Variants in DCLRE1C observed in about 807,000 individuals in gnomAD.
DCLRE1C encodes the protein DNA cross-link repair 1C.
In DCLRE1C, 47 loss-of-function variants were observed where a neutral mutation model predicts 61.4. The observed-to-expected ratio is 0.77, with a 90% CI of 0.61 to 0.98. The LOEUF is 0.98. Among genes scored for constraint, DCLRE1C ranks in the 50% least tolerant of loss-of-function variants. DCLRE1C has a pLI of 0.00. For missense variants in DCLRE1C, 858 were observed against 816.0 expected, an observed-to-expected ratio of 1.05 and a Z score of -0.63; for synonymous variants, 337 against 287.6, an observed-to-expected ratio of 1.17 and a Z score of -1.74.
chr10:14,944,857 T>C (rs1016451617), intron 3 of DCLRE1C, among the ~76,000 whole-genome samples: 3 of 151,798 alleles, frequency 2.0e-5, no homozygotes, highest in African/African-American at 7.3e-5. Context: ...GTATTTTTAG[T>C]AGAGACAGGG....
At chr10:14,925,164 T>G (rs1373604583) in intron 11 of DCLRE1C, among the ~76,000 whole-genome samples, 5 of 151,026 alleles carry the variant, frequency 3.3e-5, no homozygotes, top group Admixed American at 3.3e-4. Context: ...CCAACACCGA[T>G]TTGATTTGCA....
chr10:14,898,096 A>G (rs1306089380), exon 14 of DCLRE1C: 1 of 150,508 alleles, frequency 6.6e-6, no homozygotes, highest in Non-Finnish European at 1.5e-5. Flanking sequence ...ATATGTATAT[A>G]TATATATAAA....
intron 13 of DCLRE1C, among the ~76,000 whole-genome samples, chr10:14,913,605 G>C (rs548761174): frequency 6.6e-6 from 1 of 152,214 alleles, no homozygotes; most frequent in South Asian, 2.1e-4. Flanking sequence ...TGTATCCACA[G>C]GTTCCACATC....
intron 13 of DCLRE1C, 30 bp downstream of exon 13, chr10:14,919,707 AC>A: frequency 1.3e-6 from 2 of 1,542,480 alleles, no homozygotes; most frequent in African/African-American, 2.7e-5. Context: ...CAGGGAGCCC[AC>A]CCCTCTGAAC....
chr10:14,911,460 T>A (rs1320014007), intron 13 of DCLRE1C: 1 of 152,180 alleles, frequency 6.6e-6, no homozygotes, highest in Non-Finnish European at 1.5e-5. Flanking sequence ...AAATTCAGAA[T>A]GTATGGCATT....
chr10:14,903,874 C>G (rs1834180006), downstream of DCLRE1C: 1 of 152,166 alleles, frequency 6.6e-6, no homozygotes, highest in African/African-American at 2.4e-5. Context: ...GAATGCAGCA[C>G]TTCTTAATCT....
chr10:14,940,245 G>A (rs1840643014), intron 3 of DCLRE1C, among the ~76,000 whole-genome samples: 1 of 150,910 alleles, frequency 6.6e-6, no homozygotes, highest in Non-Finnish European at 1.5e-5. Context: ...TCAGAACACA[G>A]TCTGGATGGG....
At chr10:14,948,983 TTA>T in intron 2 of DCLRE1C, 51 bp downstream of exon 2, 1 of 1,246,792 alleles carries the variant, frequency 8.0e-7, no homozygotes, top group Non-Finnish European at 1.2e-6. Context: ...TGTACAGTTG[TTA>T]TCTCTCAATT....
Position 14,932,881 on chromosome 10 carries a change from A to T in DCLRE1C, c.753T>A (p.Thr251=), listed in dbSNP as rs1417460552. ...TGGGATGCCGGCATGCATGGATCTG[A>T]GTGTTGCGGTCTGTTGTGAGATGAT... ...ILHHLTTDRN[T]QIHACRHPKA... Residue 251 remains threonine (T), a synonymous_variant, in exon 9 of 14, where the codon ACT becomes ACA. Coordinates refer to ENST00000378278, the MANE Select transcript of DCLRE1C (RefSeq NM_001033855.3). 6.2e-7 allele frequency: 1 copy of T among 1,614,150 alleles called. No individual in the cohort carries two copies. The highest frequency in any genetic ancestry group is 1.1e-5 in the South Asian group (1 of 91,084).
intron 11 of DCLRE1C, 27 bp from the exon 12 acceptor site, chr10:14,923,096 A>G (rs914467182): frequency 2.6e-6 from 4 of 1,536,114 alleles, no homozygotes; most frequent in Admixed American, 3.3e-5. Flanking sequence ...CACATGGATC[A>G]ACAATCTCTA....
chr10:14,942,721 G>A (rs1841055482), intron 3 of DCLRE1C, among the ~76,000 whole-genome samples: 1 of 152,124 alleles, frequency 6.6e-6, no homozygotes, highest in South Asian at 2.1e-4. Flanking sequence ...GTGCGGGTTG[G>A]GCCTGGACAT....
chr10:14,946,831 T>A (rs1228268007), intron 2 of DCLRE1C, among the ~76,000 whole-genome samples: 1 of 152,106 alleles, frequency 6.6e-6, no homozygotes, highest in Non-Finnish European at 1.5e-5. Context: ...TTGCCCAGGT[T>A]GGTTTCAAAC....
At chr10:14,924,644 C>T (rs1038232148) in intron 11 of DCLRE1C, among the ~76,000 whole-genome samples, 9 of 151,968 alleles carry the variant, frequency 5.9e-5, no homozygotes, top group Admixed American at 1.3e-4. Context: ...GTCAGGAGTT[C>T]GAGACCAACC....
chr10:14,897,807 GT>G (rs1222554710), exon 14 of DCLRE1C: 5 of 201,058 alleles, frequency 2.5e-5, no homozygotes, highest in Admixed American at 1.2e-4. Context: ...TATGACAACT[GT>G]TTTTACCCAA....
exon 14 of DCLRE1C, chr10:14,899,196 C>T (rs1315758832): frequency 2.8e-6 from 2 of 701,900 alleles, no homozygotes; most frequent in African/African-American, 1.7e-5. Flanking sequence ...CGGTATGCAC[C>T]TGTGATCCAG....
Position 14,919,804 on chromosome 10 carries a change from T to C in DCLRE1C, c.1090A>G (p.Ser364Gly). The change falls in exon 13 of 14, where the codon AGT becomes GGT. Residue 364 changes from serine (S) to glycine (G), a missense_variant. By Grantham distance (56) the Ser-to-Gly change is moderately conservative. Transcript: ENST00000378278. ...AGTGGTTTATACTTTGGCTCCGTAC[T>C]TTGGGAAGACCGGCATAAAGGCTTT... ...ILKPLCRSSQ[S>G]TEPKYKPLGK... 6.2e-7 allele frequency: 1 copy of C among 1,614,018 alleles called. No homozygotes were observed. Among genetic ancestry groups the C allele is most frequent in the Non-Finnish European group, 8.5e-7 (1 of 1,179,900 alleles).
chr10:14,938,145 A>C (rs1386439476), intron 4 of DCLRE1C, among the ~76,000 whole-genome samples: 1 of 152,124 alleles, frequency 6.6e-6, no homozygotes, highest in Non-Finnish European at 1.5e-5. Context: ...TAAACAATGC[A>C]TAAAAGTCAT....
chr10:14,902,610 C>A, downstream of DCLRE1C: 1 of 735,300 alleles, frequency 1.4e-6, no homozygotes, highest in Non-Finnish European at 2.1e-6. Flanking sequence ...CAAGGTTCTA[C>A]CTATGTTAAT....
chr10:14,944,292 A>T (rs1032311669), intron 3 of DCLRE1C, among the ~76,000 whole-genome samples: 1 of 152,124 alleles, frequency 6.6e-6, no homozygotes, highest in Non-Finnish European at 1.5e-5. Context: ...TGAAGTCAGG[A>T]GTTTGAGACC....
Sources: gnomAD v4.1 joint callset for allele counts (sites outside exome capture counted in the v4.1 genomes callset) on GRCh38, gnomAD v4.1.1 for gene constraint, MANE v1.5 for transcripts, NCBI Gene and HGNC (gene_info 2026-07-23, HGNC 2026-07-21) for gene names.